CDC42BPA: variants seen among roughly 807,000 people sequenced by gnomAD.
CDC42BPA encodes the protein CDC42 binding protein kinase alpha, also known as serine/threonine-protein kinase MRCK alpha.
Under a neutral mutation model 223.5 loss-of-function variants are expected in CDC42BPA, and 80 were observed. That is an observed-to-expected ratio of 0.36 (90% CI 0.30 to 0.43). The LOEUF is 0.43. CDC42BPA is among the 20% of genes least tolerant of loss of function. CDC42BPA has a pLI of 1.00. For missense variants in CDC42BPA, 1,743 were observed against 2,099.9 expected, an observed-to-expected ratio of 0.83 and a Z score of 3.32; for synonymous variants, 694 against 718.6, an observed-to-expected ratio of 0.97 and a Z score of 0.55.
At chr1:227,135,103 T>A (rs1418322907) in intron 10 of CDC42BPA, among the ~76,000 whole-genome samples, 1 of 152,190 alleles carries the variant, frequency 6.6e-6, no homozygotes, top group Non-Finnish European at 1.5e-5. Flanking sequence ...TCCATTTCTG[T>A]GAGTGTACTT....
intron 27 of CDC42BPA, among the ~76,000 whole-genome samples, chr1:227,032,764 A>T (rs1388743026): frequency 6.6e-6 from 1 of 152,192 alleles, no homozygotes; most frequent in Admixed American, 6.5e-5. Flanking sequence ...CACAAAGAGG[A>T]GAACTGAGAT....
intron 4 of CDC42BPA, among the ~76,000 whole-genome samples, chr1:227,194,150 A>G (rs1207624357): frequency 6.6e-6 from 1 of 152,206 alleles, no homozygotes; most frequent in African/African-American, 2.4e-5. Context: ...AGACTGGGGC[A>G]GAGAACAACA....
intron 1 of CDC42BPA, among the ~76,000 whole-genome samples, chr1:227,262,196 T>C (rs916135346): frequency 2.1e-5 from 3 of 140,180 alleles, no homozygotes; most frequent in Admixed American, 7.3e-5. Flanking sequence ...ATTCAAGAGA[T>C]AGAAGAAATA....
intron 10 of CDC42BPA, 75 bp from the exon 11 acceptor site, chr1:227,129,306 T>C: frequency 9.4e-7 from 1 of 1,064,244 alleles, no homozygotes; most frequent in East Asian, 2.8e-5. Flanking sequence ...ATTATTTTTT[T>C]GGAGAGAAAT....
At chr1:227,213,311 T>C (rs947597128) in intron 2 of CDC42BPA, 92 bp from the exon 3 acceptor site, 4 of 621,128 alleles carry the variant, frequency 6.4e-6, no homozygotes, top group Non-Finnish European at 1.1e-5. Context: ...AAAAAATAAA[T>C]ACCAATTATC....
At chr1:227,274,792 G>A (rs1572788174) in intron 1 of CDC42BPA, among the ~76,000 whole-genome samples, 1 of 152,020 alleles carries the variant, frequency 6.6e-6, no homozygotes, top group African/African-American at 2.4e-5. Context: ...TGAAGAGAAA[G>A]GGGAAACTTT....
chr1:227,131,814 T>G (rs1479514058), intron 10 of CDC42BPA, among the ~76,000 whole-genome samples: 1 of 152,206 alleles, frequency 6.6e-6, no homozygotes, highest in Non-Finnish European at 1.5e-5. Context: ...ATCCATATTA[T>G]TTAAGAATTC....
chr1:227,305,211 A>G (rs1007028668), intron 1 of CDC42BPA, among the ~76,000 whole-genome samples: 1 of 152,200 alleles, frequency 6.6e-6, no homozygotes, highest in African/African-American at 2.4e-5. Flanking sequence ...TATACTTGCA[A>G]TGTTTCTGTA....
At chr1:227,107,139 A>C (rs887055877) in intron 14 of CDC42BPA, among the ~76,000 whole-genome samples, 1 of 152,252 alleles carries the variant, frequency 6.6e-6, no homozygotes, top group Non-Finnish European at 1.5e-5. Context: ...AACTTTAGGT[A>C]GTAGTACTGC....
chr1:227,000,098 TAA>T, intron 35 of CDC42BPA, among the ~76,000 whole-genome samples: 1 of 50,710 alleles, frequency 2.0e-5, no homozygotes, highest in Non-Finnish European at 5.8e-5. Context: ...TAAAGTATAA[TAA>T]TAATAATAAT....
At chr1:227,040,440 A>C (rs1030009925) in intron 23 of CDC42BPA, among the ~76,000 whole-genome samples, 1 of 152,208 alleles carries the variant, frequency 6.6e-6, no homozygotes, top group African/African-American at 2.4e-5. Flanking sequence ...TAAAATAATT[A>C]AGAAGTTAAA....
chr1:227,056,784 G>A (rs1017050920), intron 21 of CDC42BPA, among the ~76,000 whole-genome samples: 1 of 152,168 alleles, frequency 6.6e-6, no homozygotes, highest in African/African-American at 2.4e-5. Flanking sequence ...TTGAGAACAA[G>A]TATAAACTCA....
At chr1:227,216,224 T>C (rs2670454) in intron 2 of CDC42BPA, among the ~76,000 whole-genome samples, 23,998 of 152,086 alleles carry the variant, frequency 0.16, 2,175 homozygotes, top group East Asian at 0.37. Flanking sequence ...CTACTTGCTT[T>C]TCTACATTTT....
intron 12 of CDC42BPA, 113 bp from the exon 13 acceptor site, chr1:227,113,026 A>G: frequency 1.0e-6 from 1 of 956,608 alleles, no homozygotes; most frequent in East Asian, 2.4e-5. Flanking sequence ...TCACCTTAGG[A>G]CAAATTAAAA....
At chr1:227,154,752 T>C (rs779893122) in intron 6 of CDC42BPA, among the ~76,000 whole-genome samples, 7 of 152,034 alleles carry the variant, frequency 4.6e-5, no homozygotes, top group Admixed American at 1.3e-4. Flanking sequence ...ACAACATTCA[T>C]AGATGAGAAG....
rs1194130585 is a variant in CDC42BPA at position 227,193,812 on chromosome 1, T to G, written c.573A>C (p.Ser191=). 1 of 1,612,804 alleles carries G rather than the reference T, an allele frequency of 6.2e-7. No homozygotes were observed. Among genetic ancestry groups the G allele is most frequent in the Non-Finnish European group, 8.5e-7 (1 of 1,179,414 alleles). The change falls in exon 5 of 37, where the codon TCA becomes TCC. Residue 191 remains serine (S), a synonymous_variant. Transcript: ENST00000366766. ...TGTGTACATAATGTAGCTGATGAAC[T>G]GAGTCAATTGCTATCACCATCTCAG... The part of the protein sequence containing the change: ...YLAEMVIAID[S]VHQLHYVHRD...
chr1:227,193,261 A>G (rs1030687557), intron 5 of CDC42BPA, among the ~76,000 whole-genome samples: 2 of 151,450 alleles, frequency 1.3e-5, no homozygotes, highest in African/African-American at 4.9e-5. Flanking sequence ...TTTAGTAGAG[A>G]CGGAGTTTCA....
intron 1 of CDC42BPA, among the ~76,000 whole-genome samples, chr1:227,258,214 G>C (rs987905139): frequency 4.7e-5 from 7 of 147,660 alleles, no homozygotes; most frequent in African/African-American, 1.8e-4. Context: ...ATGGGAGCCT[G>C]ACTATCCCCC....
At chr1:227,192,365 G>A (rs191809036) in intron 5 of CDC42BPA, among the ~76,000 whole-genome samples, 40 of 152,302 alleles carry the variant, frequency 2.6e-4, no homozygotes, top group Non-Finnish European at 2.2e-4. Context: ...CAACTTGTTA[G>A]AGATGGCAAT....
Sources: allele counts gnomAD v4.1 joint callset (sites outside exome capture counted in the v4.1 genomes callset), GRCh38; gene constraint gnomAD v4.1.1; transcripts MANE v1.5; gene names NCBI Gene and HGNC (gene_info 2026-07-23, HGNC 2026-07-21).